The following FER variants were observed in gnomAD, a reference collection of about 807,000 sequenced individuals.
FER encodes FER tyrosine kinase, also known as tyrosine-protein kinase Fer.
FER carries 63 observed loss-of-function variants against 111.0 expected under a neutral mutation model. That is an observed-to-expected ratio of 0.57 (90% confidence interval 0.46 to 0.70). The LOEUF (loss-of-function observed/expected upper bound fraction) is 0.70. Among genes scored for constraint, FER ranks in the 30% least tolerant of loss-of-function variants. The probability of loss-of-function intolerance (pLI) is 0.00; values close to 1 mark genes in which losing one functional copy is unlikely to be tolerated. For missense variants in FER, 914 were observed against 954.0 expected, an observed-to-expected ratio of 0.96 and a Z score of 0.55; for synonymous variants, 327 against 313.9, an observed-to-expected ratio of 1.04 and a Z score of -0.44.
intron 13 of FER, among the ~76,000 whole-genome samples, chr5:108,991,717 C>T (rs2149748279): frequency 6.6e-6 from 1 of 151,922 alleles, no homozygotes; most frequent in Middle Eastern, 3.4e-3. Context: ...TTTTTTTTAG[C>T]ACTTGCTATT....
At chr5:108,924,526 CAG>C (rs1311526764) in intron 10 of FER, 5 of 1,045,846 alleles carry the variant, frequency 4.8e-6, no homozygotes, top group Non-Finnish European at 4.9e-6. Flanking sequence ...TCCATGCCAA[CAG>C]GGGGAGATAG....
At chr5:109,176,605 CAAG>C (rs1454312083) in intron 17 of FER, among the ~76,000 whole-genome samples, 6 of 152,156 alleles carry the variant, frequency 3.9e-5, no homozygotes, top group Non-Finnish European at 4.4e-5. Flanking sequence ...TCTATATTCT[CAAG>C]AAGGCAGAAG....
chr5:108,780,268 C>T (rs1314728042), intron 2 of FER, among the ~76,000 whole-genome samples: 1 of 152,054 alleles, frequency 6.6e-6, no homozygotes, highest in Non-Finnish European at 1.5e-5. Flanking sequence ...TTGGACATTT[C>T]TTGCAAGTTG....
intron 13 of FER, among the ~76,000 whole-genome samples, chr5:108,964,456 A>G (rs1315765051): frequency 6.6e-6 from 1 of 152,166 alleles, no homozygotes; most frequent in Non-Finnish European, 1.5e-5. Flanking sequence ...GCAGCAAACA[A>G]TTCGAAGAGC....
intron 4 of FER, 58 bp from the exon 5 acceptor site, chr5:108,835,650 C>G (rs1760578769): frequency 8.7e-7 from 1 of 1,148,522 alleles, no homozygotes; most frequent in East Asian, 2.5e-5. Context: ...AATTTAAGTT[C>G]TTGAGCAATT....
At chr5:108,789,437 TC>T (rs1755104098) in intron 2 of FER, among the ~76,000 whole-genome samples, 1 of 152,162 alleles carries the variant, frequency 6.6e-6, no homozygotes, top group Non-Finnish European at 1.5e-5. Flanking sequence ...CATTTGACTT[TC>T]TATATTCTAA....
intron 13 of FER, among the ~76,000 whole-genome samples, chr5:108,992,882 G>T (rs1225945082): frequency 1.3e-5 from 2 of 148,744 alleles, no homozygotes; most frequent in Admixed American, 1.3e-4. Flanking sequence ...AGGCAGAGGC[G>T]CTCCTCACAT....
chr5:109,191,089 G>A lies in FER; in HGVS notation c.*3514G>A, dbSNP rs547228463. The stretch of plus-strand genomic sequence containing the variant: ...CAATACTAGTGTTAGATTATGTCAA[G>A]AAGAAAGTGTTTTAGTTACAACATA... On this transcript the variant is annotated 3_prime_UTR_variant, in exon 20 of 20. Coordinates refer to ENST00000281092, the MANE Select transcript of FER (RefSeq NM_005246.4). 1 of 152,254 alleles carries A rather than the reference G, an allele frequency of 6.6e-6. No homozygotes were observed. Among genetic ancestry groups the A allele is most frequent in the South Asian group, 2.1e-4 (1 of 4,824 alleles). The allele number at this position is 152,254 out of a possible 1,614,324, so 9.4% of individuals were successfully genotyped here.
chr5:109,045,178 C>T (rs1047650513), intron 15 of FER, among the ~76,000 whole-genome samples: 2 of 151,824 alleles, frequency 1.3e-5, no homozygotes, highest in African/African-American at 4.8e-5. Context: ...TTAGATAGTA[C>T]TGCTTGCTTC....
intron 17 of FER, among the ~76,000 whole-genome samples, chr5:109,161,296 A>AG (rs929128582): frequency 2.0e-5 from 3 of 152,040 alleles, no homozygotes; most frequent in African/African-American, 7.2e-5. Flanking sequence ...GTATATGTGC[A>AG]GGTTTGTTAG....
chr5:108,813,226 A>G (rs1304502144), intron 3 of FER, among the ~76,000 whole-genome samples: 24 of 152,126 alleles, frequency 1.6e-4, no homozygotes, highest in Admixed American at 1.6e-3. Context: ...TATTTTAAAG[A>G]TGTTGCTGTA....
chr5:109,020,155 A>T (rs927478912), intron 13 of FER, among the ~76,000 whole-genome samples: 1 of 151,492 alleles, frequency 6.6e-6, no homozygotes, highest in East Asian at 1.9e-4. Context: ...AAATATTCTT[A>T]AATTGCTTAA....
intron 17 of FER, among the ~76,000 whole-genome samples, chr5:109,171,645 C>T (rs1406663329): frequency 1.3e-5 from 2 of 152,132 alleles, no homozygotes; most frequent in Non-Finnish European, 2.9e-5. Flanking sequence ...ATTTGTCACT[C>T]AGGCAAGTAC....
Position 108,867,862 on chromosome 5 carries a change from C to G in FER, c.577C>G (p.Gln193Glu), listed in dbSNP as rs1295416752. 6.2e-7 allele frequency: 1 copy of G among 1,613,020 alleles called. No homozygotes were observed. Among genetic ancestry groups the G allele is most frequent in the Non-Finnish European group, 8.5e-7 (1 of 1,179,454 alleles). Residue 193 changes from glutamine to glutamate, a missense_variant, in exon 6 of 20, where the codon CAG becomes GAG. Gln to Glu is a conservative substitution (Grantham distance 29, BLOSUM62 2). This residue lies in a region of FER where 774 missense variants were observed against 782.6 expected (regional missense o/e 0.99). Coordinates refer to ENST00000281092, the MANE Select transcript of FER (RefSeq NM_005246.4). The stretch of plus-strand genomic sequence containing the variant: ...GTATGTATTGGCGTTGAAAGGGGCA[C>G]AGCTCCATCAGAATCAGTATTATGA... ...NQYVLALKGA[Q>E]LHQNQYYDIT... is the part of the protein sequence containing the mutation.
chr5:108,784,755 T>C (rs573339710), intron 2 of FER, among the ~76,000 whole-genome samples: 5 of 152,230 alleles, frequency 3.3e-5, no homozygotes, highest in Non-Finnish European at 5.9e-5. Context: ...AGGGATGGGC[T>C]CTGGCTAATT....
At chr5:108,871,824 C>T (rs547261212) in intron 7 of FER, among the ~76,000 whole-genome samples, 31 of 151,684 alleles carry the variant, frequency 2.0e-4, no homozygotes, top group East Asian at 1.9e-3. Context: ...CTTTATGATG[C>T]GCCAAATACT....
At chr5:109,073,406 C>T (rs536806944) in intron 16 of FER, among the ~76,000 whole-genome samples, 38 of 152,072 alleles carry the variant, frequency 2.5e-4, no homozygotes, top group Middle Eastern at 3.4e-3. Context: ...CCATATAGTC[C>T]GTCATAATTT....
At chr5:108,780,380 GGT>G (rs1753925420) in intron 2 of FER, among the ~76,000 whole-genome samples, 2 of 111,566 alleles carry the variant, frequency 1.8e-5, no homozygotes, top group Non-Finnish European at 3.5e-5. Flanking sequence ...TAGGTTAGTG[GGT>G]TTTTTTTTTT....
rs559065544 is a variant in FER at position 109,185,444 on chromosome 5, C to G, written c.2204-756C>G. Among the ~76,000 whole-genome samples the G allele has an allele frequency of 1.8e-4, 28 of 152,140 alleles. 1 individual carries two copies. In the East Asian group the frequency reaches 5.2e-3, roughly 28 times the overall value. ...AAAAATGAAGAAACTTTCCTAATTGCTTTAAGTTTGTTTGTAATTTTAATG... is the reference window on the plus strand; with the variant it reads ...AAAAATGAAGAAACTTTCCTAATTGGTTTAAGTTTGTTTGTAATTTTAATG... On this transcript the variant is annotated intron_variant, in intron 18 of 19. Coordinates refer to ENST00000281092, the MANE Select transcript of FER (RefSeq NM_005246.4).
Sources: gnomAD v4.1 joint callset for allele counts (sites outside exome capture counted in the v4.1 genomes callset) on GRCh38, gnomAD v4.1.1 for gene constraint, gnomAD v4.1.1 regional missense constraint, MANE v1.5 for transcripts, NCBI Gene and HGNC (gene_info 2026-07-23, HGNC 2026-07-21) for gene names.